PHACTR1: variants seen among roughly 807,000 people sequenced by gnomAD.
PHACTR1 encodes the protein phosphatase and actin regulator 1, also known as RPEL repeat containing 1.
A neutral mutation model predicts 69.2 loss-of-function variants in PHACTR1; 16 were observed. The ratio of observed to expected loss-of-function variants is 0.23; its 90% CI spans 0.16 to 0.35. PHACTR1 has a LOEUF of 0.35. PHACTR1 is among the 10% of genes least tolerant of loss of function. The pLI is 1.00. For missense variants in PHACTR1, 510 were observed against 734.7 expected (o/e 0.69, Z 3.54); for synonymous variants, 312 against 284.5 (o/e 1.10, Z -0.97).
intron 4 of PHACTR1, among the ~76,000 whole-genome samples, chr6:12,844,389 C>A (rs977596793): frequency 6.6e-6 from 1 of 151,858 alleles, no homozygotes; most frequent in African/African-American, 2.4e-5. Context: ...AGAGCAAGAC[C>A]CTATCCCCCG....
At chr6:12,795,037 A>G (rs1772798604) in intron 4 of PHACTR1, among the ~76,000 whole-genome samples, 1 of 152,130 alleles carries the variant, frequency 6.6e-6, no homozygotes, top group African/African-American at 2.4e-5. Flanking sequence ...TACATCACTC[A>G]TCTGAGGATC....
chr6:13,101,794 G>C, intron 5 of PHACTR1, among the ~76,000 whole-genome samples: 1 of 152,150 alleles, frequency 6.6e-6, no homozygotes, highest in East Asian at 1.9e-4. Flanking sequence ...CTTAACTTTT[G>C]CAATAAGAAT....
intron 4 of PHACTR1, among the ~76,000 whole-genome samples, chr6:13,003,696 C>T (rs1798369097): frequency 1.3e-5 from 2 of 151,748 alleles, no homozygotes; most frequent in African/African-American, 4.8e-5. Flanking sequence ...CCTAAGAGTA[C>T]ATAGTACCCA....
intron 10 of PHACTR1, among the ~76,000 whole-genome samples, chr6:13,242,408 T>C (rs766039386): frequency 1.1e-4 from 16 of 152,230 alleles, no homozygotes; most frequent in Non-Finnish European, 2.2e-4. Flanking sequence ...TAGGTCATGA[T>C]TCTTGCACTT....
chr6:12,866,521 A>ATT (rs372920940), intron 4 of PHACTR1, among the ~76,000 whole-genome samples: 27 of 146,616 alleles, frequency 1.8e-4, no homozygotes, highest in African/African-American at 6.7e-4. Context: ...CAGGACTGCT[A>ATT]TTTTTTTTTT....
intron 4 of PHACTR1, among the ~76,000 whole-genome samples, chr6:12,923,606 T>C (rs944954013): frequency 6.6e-6 from 1 of 152,206 alleles, no homozygotes; most frequent in Non-Finnish European, 1.5e-5. Flanking sequence ...CTTATCATTA[T>C]CCTTGCCAAT....
chr6:13,242,038 A>G (rs1015514841), intron 10 of PHACTR1, among the ~76,000 whole-genome samples: 1 of 150,138 alleles, frequency 6.7e-6, no homozygotes, highest in African/African-American at 2.4e-5. Flanking sequence ...TCTGTCTCAA[A>G]AAAAAAAAAA....
intron 5 of PHACTR1, among the ~76,000 whole-genome samples, chr6:13,082,429 C>T (rs1306479591): frequency 6.6e-6 from 1 of 152,094 alleles, no homozygotes; most frequent in Non-Finnish European, 1.5e-5. Context: ...AACAGCTGAC[C>T]ATGAAGAGAT....
intron 5 of PHACTR1, among the ~76,000 whole-genome samples, chr6:13,097,866 C>T (rs1204358085): frequency 2.6e-5 from 4 of 152,100 alleles, no homozygotes; most frequent in Non-Finnish European, 5.9e-5. Flanking sequence ...AAAACAGCAG[C>T]CCTCAGACAG....
intron 4 of PHACTR1, among the ~76,000 whole-genome samples, chr6:12,830,012 GGAAGGA>G: frequency 7.5e-6 from 1 of 133,704 alleles, no homozygotes; most frequent in Non-Finnish European, 1.6e-5. Context: ...AAAGAAGGAA[GGAAGGA>G]AAAGAAAGAA....
At chr6:12,761,021 G>A (rs1400555347) in intron 4 of PHACTR1, among the ~76,000 whole-genome samples, 1 of 152,200 alleles carries the variant, frequency 6.6e-6, no homozygotes, top group African/African-American at 2.4e-5. Context: ...CAAGCGTTCT[G>A]TGAATGGATT....
At chr6:12,738,862 T>A (rs563884749) in intron 3 of PHACTR1, among the ~76,000 whole-genome samples, 6 of 152,242 alleles carry the variant, frequency 3.9e-5, no homozygotes, top group East Asian at 3.9e-4. Flanking sequence ...TGAAACTCCA[T>A]CTCAAAAACA....
chr6:13,024,496 G>A (rs934482155), intron 4 of PHACTR1, among the ~76,000 whole-genome samples: 4 of 152,118 alleles, frequency 2.6e-5, no homozygotes, highest in Admixed American at 2.0e-4. Flanking sequence ...CAAGAATCAC[G>A]TCTGCAAATT....
intron 4 of PHACTR1, among the ~76,000 whole-genome samples, chr6:12,807,493 T>C (rs1774477504): frequency 6.6e-6 from 1 of 152,112 alleles, no homozygotes; most frequent in Non-Finnish European, 1.5e-5. Context: ...CCCCAGGAAA[T>C]ATAAGGACCT....
chr6:12,898,634 G>A (rs1784910296), intron 4 of PHACTR1, among the ~76,000 whole-genome samples: 1 of 152,102 alleles, frequency 6.6e-6, no homozygotes, highest in Non-Finnish European at 1.5e-5. Context: ...ACTCGCACTG[G>A]GACCACCTTG....
chr6:13,223,642 G>C (rs1769053433), intron 8 of PHACTR1, among the ~76,000 whole-genome samples: 1 of 152,152 alleles, frequency 6.6e-6, no homozygotes, highest in African/African-American at 2.4e-5. Flanking sequence ...TTTGCATGCA[G>C]AATTTGTAAT....
At chr6:12,767,382 A>G (rs1005833920) in intron 4 of PHACTR1, among the ~76,000 whole-genome samples, 1 of 152,208 alleles carries the variant, frequency 6.6e-6, no homozygotes, top group Non-Finnish European at 1.5e-5. Context: ...TTCCAAAGGA[A>G]GCCTCTATAA....
At chr6:13,013,829 G>A (rs1799758667) in intron 4 of PHACTR1, among the ~76,000 whole-genome samples, 1 of 148,904 alleles carries the variant, frequency 6.7e-6, no homozygotes, top group Non-Finnish European at 1.5e-5. Context: ...GCCGAGGGGC[G>A]CGAGTGGCAG....
At chr6:12,830,937 AG>A in intron 4 of PHACTR1, among the ~76,000 whole-genome samples, 1 of 152,090 alleles carries the variant, frequency 6.6e-6, no homozygotes, top group Admixed American at 6.6e-5. Flanking sequence ...TTATGGATTT[AG>A]GGGGTACAAG....
Sources: allele counts gnomAD v4.1 joint callset (sites outside exome capture counted in the v4.1 genomes callset), GRCh38; gene constraint gnomAD v4.1.1; transcripts MANE v1.5; gene names NCBI Gene and HGNC (gene_info 2026-07-23, HGNC 2026-07-21).